The following GRID2 variants were observed in gnomAD, a reference collection of about 807,000 sequenced individuals.
The protein encoded by GRID2 is glutamate ionotropic receptor delta type subunit 2.
A neutral mutation model predicts 114.8 loss-of-function variants in GRID2; 33 were observed. The observed-to-expected ratio is 0.29, with a 90% CI of 0.22 to 0.38. The LOEUF is 0.38. Among genes scored for constraint, GRID2 ranks in the 10% least tolerant of loss-of-function variants. GRID2 has a pLI of 1.00. For missense variants in GRID2, 1,184 were observed against 1,257.7 expected, an observed-to-expected ratio of 0.94 and a Z score of 0.89; for synonymous variants, 505 against 449.9, an observed-to-expected ratio of 1.12 and a Z score of -1.55.
At chr4:93,007,994 C>T (rs1420252582) in intron 2 of GRID2, among the ~76,000 whole-genome samples, 2 of 140,360 alleles carry the variant, frequency 1.4e-5, no homozygotes, top group Non-Finnish European at 3.0e-5. Context: ...AAGATCGTGC[C>T]ATTACACTTC....
intron 1 of GRID2, among the ~76,000 whole-genome samples, chr4:92,511,386 G>A (rs967118952): frequency 3.3e-5 from 5 of 151,690 alleles, no homozygotes; most frequent in African/African-American, 1.2e-4. Flanking sequence ...CTCCCACCAG[G>A]TCCACCGCCA....
intron 2 of GRID2, among the ~76,000 whole-genome samples, chr4:92,888,783 G>C (rs1385679213): frequency 6.7e-6 from 1 of 150,018 alleles, no homozygotes; most frequent in African/African-American, 2.5e-5. Flanking sequence ...CCTTTATCTA[G>C]TAGCTGACAA....
At position 92,935,535 on chromosome 4, in the gene GRID2, G is replaced by C. The variant is rs1469572919; in HGVS notation, c.245-149460G>C. Among the ~76,000 whole-genome samples the C allele has an allele frequency of 4.1e-5, 6 of 146,700 alleles. 1 individual carries two copies. The Admixed American group carries it at 4.4e-4, about 11-fold the overall frequency. On this transcript the variant is annotated intron_variant, in intron 2 of 15. Transcript: ENST00000282020. ...TTTGACCCAGCCATCCCATTACTGG[G>C]TATATACCCAAAGGACTATAAATCA...
rs1204307857 is a variant in GRID2 at position 93,688,237 on chromosome 4, G to T, written c.2360+61802G>T. ...GTATTTTTTTTTCTTTCTCTGTGAG[G>T]TTACAGTGTAAATCTCCAAATCTGA... is the stretch of plus-strand genomic sequence containing the variant. On this transcript the variant is annotated intron_variant, in intron 14 of 15. Transcript: ENST00000282020. 2.6e-5 allele frequency among the ~76,000 whole-genome samples: 4 copies of T among 151,920 alleles called. No homozygotes were observed. In the South Asian group the frequency reaches 6.2e-4, roughly 24 times the overall value.
intron 2 of GRID2, among the ~76,000 whole-genome samples, chr4:93,042,623 C>CTATATA (rs199506174): frequency 1.5e-5 from 2 of 132,546 alleles, no homozygotes; most frequent in Admixed American, 8.3e-5. Flanking sequence ...CTCTCTCTCT[C>CTATATA]TCTATATATA....
At chr4:92,734,612 A>G (rs1182880939) in intron 2 of GRID2, among the ~76,000 whole-genome samples, 1 of 151,870 alleles carries the variant, frequency 6.6e-6, no homozygotes, top group Non-Finnish European at 1.5e-5. Context: ...TGAAATTTCT[A>G]AAGAGGAAAC....
chr4:92,676,435 C>T (rs1733376583), intron 2 of GRID2, among the ~76,000 whole-genome samples: 1 of 152,100 alleles, frequency 6.6e-6, no homozygotes, highest in African/African-American at 2.4e-5. Flanking sequence ...CTGCCTCAGC[C>T]TCCCAAAGTG....
At chr4:92,714,678 T>G in intron 2 of GRID2, among the ~76,000 whole-genome samples, 1 of 152,184 alleles carries the variant, frequency 6.6e-6, no homozygotes, top group East Asian at 1.9e-4. Flanking sequence ...CAATGCCACA[T>G]GGAGGCTGCC....
chr4:93,684,860 C>A (rs540062634), intron 14 of GRID2, among the ~76,000 whole-genome samples: 1 of 151,918 alleles, frequency 6.6e-6, no homozygotes, highest in African/African-American at 2.4e-5. Flanking sequence ...GGGACCATGA[C>A]TAAAGTTTGG....
intron 4 of GRID2, among the ~76,000 whole-genome samples, chr4:93,132,139 A>G (rs1238678370): frequency 6.6e-6 from 1 of 152,200 alleles, no homozygotes; most frequent in Non-Finnish European, 1.5e-5. Flanking sequence ...ATAGCACAGT[A>G]TAGGCCGGGA....
chr4:93,418,289 T>G (rs2149361857), intron 9 of GRID2, among the ~76,000 whole-genome samples: 1 of 152,070 alleles, frequency 6.6e-6, no homozygotes, highest in South Asian at 2.1e-4. Context: ...TCCTCTTGTT[T>G]ATTCTTCCTT....
chr4:92,412,473 A>G (rs1012965529), intron 1 of GRID2, among the ~76,000 whole-genome samples: 15 of 152,092 alleles, frequency 9.9e-5, no homozygotes, highest in African/African-American at 3.6e-4. Flanking sequence ...CTAGAAAACA[A>G]TGTTTTCTAC....
intron 13 of GRID2, among the ~76,000 whole-genome samples, chr4:93,618,346 C>T (rs924202554): frequency 6.6e-6 from 1 of 152,138 alleles, no homozygotes; most frequent in Non-Finnish European, 1.5e-5. Context: ...CTGTGGAACT[C>T]ACTACATGGA....
At chr4:93,659,806 G>T (rs536642585) in intron 14 of GRID2, among the ~76,000 whole-genome samples, 2 of 151,548 alleles carry the variant, frequency 1.3e-5, no homozygotes, top group East Asian at 3.9e-4. Flanking sequence ...CAGTACTGAA[G>T]ATGGGAGACC....
At chr4:93,594,939 C>T (rs1738909587) in intron 13 of GRID2, among the ~76,000 whole-genome samples, 1 of 152,170 alleles carries the variant, frequency 6.6e-6, no homozygotes, top group African/African-American at 2.4e-5. Context: ...ACCCACTGAC[C>T]TGCACCCACT....
At chr4:93,458,954 C>A (rs934564159) in intron 11 of GRID2, among the ~76,000 whole-genome samples, 23 of 151,744 alleles carry the variant, frequency 1.5e-4, no homozygotes, top group African/African-American at 5.6e-4. Flanking sequence ...CCGAGGCAGG[C>A]GGATCACCTG....
intron 8 of GRID2, among the ~76,000 whole-genome samples, chr4:93,248,625 C>A (rs1372474191): frequency 6.6e-6 from 1 of 152,146 alleles, no homozygotes; most frequent in East Asian, 1.9e-4. Context: ...AAGGGGATTA[C>A]ACATTCTCTT....
chr4:93,008,657 G>A (rs2149227670), intron 2 of GRID2, among the ~76,000 whole-genome samples: 1 of 152,210 alleles, frequency 6.6e-6, no homozygotes, highest in African/African-American at 2.4e-5. Flanking sequence ...GCTGGAGATA[G>A]TTGATGTAAA....
chr4:93,395,727 TCGTGGTTTTG>T lies in GRID2; in HGVS notation c.1347+20_1347+29del, dbSNP rs761423524. On this transcript the variant is annotated intron_variant, in intron 9 of 15. Transcript: ENST00000282020. ...TGTTCTGGTAAGTATTATCTGAGCC[TCGTGGTTTTG>T]ACTTTTGGAGGTTACTTTATCCTAT... 2.6e-6 allele frequency: 3 copies of T among 1,140,822 alleles called. No individual in the cohort carries two copies. In the African/African-American group the frequency reaches 4.6e-5, roughly 17 times the overall value. 70.7% of individuals were successfully genotyped at this position (1,140,822 alleles called of 1,614,324 possible).
Sources: gnomAD v4.1 joint callset for allele counts (sites outside exome capture counted in the v4.1 genomes callset) on GRCh38, gnomAD v4.1.1 for gene constraint, MANE v1.5 for transcripts, NCBI Gene and HGNC (gene_info 2026-07-23, HGNC 2026-07-21) for gene names.